Variants in NFATC2IP observed in about 807,000 individuals in gnomAD.
NFATC2IP encodes nuclear factor of activated T cells 2 interacting protein.
NFATC2IP carries 25 observed loss-of-function variants against 40.2 expected under a neutral mutation model. The observed-to-expected ratio is 0.62, with a 90% CI of 0.45 to 0.87. The LOEUF (loss-of-function observed/expected upper bound fraction) is 0.87. NFATC2IP is among the 40% of genes least tolerant of loss of function. NFATC2IP has a pLI of 0.00. For missense variants in NFATC2IP, 553 were observed against 555.6 expected, an observed-to-expected ratio of 1.00 and a Z score of 0.05; for synonymous variants, 241 against 236.3, an observed-to-expected ratio of 1.02 and a Z score of -0.18.
chr16:28,954,715 G>T, intron 3 of NFATC2IP, 33 bp downstream of exon 3: 1 of 1,426,630 alleles, frequency 7.0e-7, no homozygotes. Context: ...GGCCCTGGGA[G>T]CAGGAAGTGA....
At chr16:28,959,124 A>C (rs1965055657) in intron 7 of NFATC2IP, 24 bp downstream of exon 7, 1 of 1,374,522 alleles carries the variant, frequency 7.3e-7, no homozygotes, top group African/African-American at 1.4e-5. Flanking sequence ...ATGGCTCTCC[A>C]CGCCCCTCAC....
intron 2 of NFATC2IP, 27 bp downstream of exon 2, chr16:28,952,231 A>G (rs956363579): frequency 3.1e-6 from 5 of 1,612,858 alleles, no homozygotes; most frequent in Non-Finnish European, 4.2e-6. Flanking sequence ...AGGGAGAGGC[A>G]CGCAGCCGCT....
At position 28,952,742 on chromosome 16, in the gene NFATC2IP, CT is replaced by C. The variant is rs66466268; in HGVS notation, c.460+556del. 9.1e-3 allele frequency: 1,256 copies of C among 138,108 alleles called. 7 individuals carry two copies. The highest frequency in any genetic ancestry group is 0.027 in the South Asian group (117 of 4,398). The allele number at this position is 138,108 out of a possible 1,614,324, so 8.6% of individuals were successfully genotyped here. On this transcript the variant is annotated intron_variant, in intron 2 of 7. Transcript: ENST00000320805. ...GCCTGGGTTTGAATCTCAGTTCTCT[CT>C]TTTTTTTTTTTTTTTTTAGACAGAG...
At chr16:28,954,072 T>C (rs1964993934) in intron 2 of NFATC2IP, among the ~76,000 whole-genome samples, 1 of 152,166 alleles carries the variant, frequency 6.6e-6, no homozygotes, top group South Asian at 2.1e-4. Context: ...TGTAGAAAGT[T>C]TAGCGGCATC....
chr16:28,951,034 G>A lies in NFATC2IP; in HGVS notation c.23G>A (p.Arg8Gln). Residue 8 changes from arginine (R) to glutamine (Q), a missense_variant, in exon 1 of 8, where the codon CGG (arginine) becomes CAG (glutamine). Transcript: ENST00000320805. MAEPVGK[R>Q]GRWSGGSGAG... ...GCCATGGCGGAGCCTGTGGGGAAGC[G>A]GGGCCGCTGGTCCGGAGGTAGCGGT... 1.3e-6 allele frequency: 2 copies of A among 1,526,210 alleles called. No homozygotes were observed. The highest frequency in any genetic ancestry group is 1.3e-5 in the South Asian group (1 of 79,896). 94.5% of individuals were successfully genotyped at this position (1,526,210 alleles called of 1,614,324 possible).
Position 28,955,993 on chromosome 16 carries a change from T to A in NFATC2IP, c.594T>A (p.Ser198=). 1.2e-6 allele frequency: 2 copies of A among 1,613,918 alleles called. No homozygotes were observed. Among genetic ancestry groups the A allele is most frequent in the Non-Finnish European group, 1.7e-6 (2 of 1,179,836 alleles). Residue 198 remains serine (S), a synonymous_variant, in exon 4 of 8, where the codon TCT becomes TCA. Coordinates refer to ENST00000320805, the MANE Select transcript of NFATC2IP (RefSeq NM_032815.4). ...GCTTCTACAGGGATCTGGACAACTC[T>A]CCTCTGTCCCCACCTTCACCAAGGA... ...KKTEFLDLDN[S]PLSPPSPRTK... is the part of the protein sequence containing the mutation.
intron 3 of NFATC2IP, among the ~76,000 whole-genome samples, chr16:28,955,643 G>T (rs146451707): frequency 6.6e-6 from 1 of 152,220 alleles, no homozygotes; most frequent in African/African-American, 2.4e-5. Flanking sequence ...CCATTGCCCA[G>T]GCTGGAGTGC....
At position 28,967,043 on chromosome 16, in the gene NFATC2IP, C is replaced by T. The variant is rs532432550; in HGVS notation, c.*3180C>T. 8.5e-5 allele frequency: 13 copies of T among 152,200 alleles called. No homozygotes were observed. Among genetic ancestry groups the T allele is most frequent in the South Asian group, 6.2e-4 (3 of 4,822 alleles). The allele number at this position is 152,200 out of a possible 1,614,324, so 9.4% of individuals were successfully genotyped here. On this transcript the variant is annotated 3_prime_UTR_variant, in exon 8 of 8. Transcript: ENST00000320805. ...AAATGTCCATTAATAAGTTTGAATA[C>T]GTTAAAATTATATGTTTAACCTCAA...
intron 1 of NFATC2IP, 110 bp downstream of exon 1, chr16:28,951,508 C>T: frequency 1.8e-6 from 2 of 1,088,476 alleles, no homozygotes; most frequent in South Asian, 3.0e-5. Flanking sequence ...GGCTGGCGTT[C>T]TGGGGCTGGT....
At position 28,951,234 on chromosome 16, in the gene NFATC2IP, C is replaced by A; in HGVS notation, c.223C>A (p.Pro75Thr). 6.6e-7 allele frequency: 1 copy of A among 1,510,960 alleles called. No individual in the cohort carries two copies. The highest frequency in any genetic ancestry group is 8.9e-7 in the Non-Finnish European group (1 of 1,124,716). The allele number at this position is 1,510,960 out of a possible 1,614,324, so 93.6% of individuals were successfully genotyped here. ...RGAADEVEVEPPEPPGPVASR... is the reference protein window; with the variant it reads ...RGAADEVEVETPEPPGPVASR... The stretch of plus-strand genomic sequence containing the variant: ...TGCCGCGGACGAGGTTGAGGTGGAG[C>A]CCCCGGAGCCCCCGGGGCCGGTCGC... The change falls in exon 1 of 8, where the codon CCC (proline) becomes ACC (threonine). Residue 75 changes from proline to threonine, a missense_variant. Pro to Thr is a conservative substitution (Grantham distance 38). Transcript: ENST00000320805.
At position 28,959,282 on chromosome 16, in the gene NFATC2IP, C is replaced by T. The variant is rs762657177; in HGVS notation, c.1101+182C>T. Among the ~76,000 whole-genome samples the T allele has an allele frequency of 5.9e-5, 9 of 152,294 alleles. No homozygotes were observed. In the East Asian group the frequency reaches 9.7e-4, roughly 16 times the overall value. On this transcript the variant is annotated intron_variant, in intron 7 of 7. Coordinates refer to ENST00000320805, the MANE Select transcript of NFATC2IP (RefSeq NM_032815.4). Reference sequence around the variant, plus strand: ...AAACCCATCGTTCAACTTCCCTCCCCGCTTCTACTGGTACCCTCTGCCCTA... The same window carrying T: ...AAACCCATCGTTCAACTTCCCTCCCTGCTTCTACTGGTACCCTCTGCCCTA...
chr16:28,960,558 A>AC (rs1965074241), intron 7 of NFATC2IP, among the ~76,000 whole-genome samples: 1 of 152,106 alleles, frequency 6.6e-6, no homozygotes, highest in East Asian at 1.9e-4. Flanking sequence ...CTCTCTGCGG[A>AC]CCCGTGAAAT....
chr16:28,963,604 C>G (rs1965111851), intron 7 of NFATC2IP, 101 bp from the exon 8 acceptor site: 1 of 1,025,136 alleles, frequency 9.8e-7, no homozygotes, highest in African/African-American at 1.6e-5. Context: ...ATTGTTTCCG[C>G]CCCTGCCGCC....
intron 2 of NFATC2IP, among the ~76,000 whole-genome samples, chr16:28,953,917 CAAA>C (rs901619937): frequency 3.7e-5 from 4 of 109,238 alleles, no homozygotes; most frequent in African/African-American, 6.3e-5. Context: ...GACCTGGTCT[CAAA>C]AAAAAAAAAA....
rs1223744322 is a variant in NFATC2IP, at chr16:28,951,212, C to T, written c.201C>T (p.Ala67=). The T allele has an allele frequency of 1.3e-6, 2 of 1,534,922 alleles. No homozygotes were observed. Among genetic ancestry groups the T allele is most frequent in the Non-Finnish European group, 1.8e-6 (2 of 1,138,294 alleles). The change falls in exon 1 of 8, where the codon GCC becomes GCT. Residue 67 remains alanine (A), a synonymous_variant. Transcript: ENST00000320805. Reference sequence around the variant, plus strand: ...TGGAGGTCGCCACCGCTCGCGGTGCCGCGGACGAGGTTGAGGTGGAGCCCC... The same window carrying T: ...TGGAGGTCGCCACCGCTCGCGGTGCTGCGGACGAGGTTGAGGTGGAGCCCC... ...EILEVATARG[A]ADEVEVEPPE...
At chr16:28,956,092 G>T in intron 4 of NFATC2IP, 34 bp downstream of exon 4, 1 of 1,613,600 alleles carries the variant, frequency 6.2e-7, no homozygotes. Context: ...TGGGATGGAA[G>T]AGGGCAATCC....
At chr16:28,959,221 A>G in intron 7 of NFATC2IP, 121 bp downstream of exon 7, 1 of 653,448 alleles carries the variant, frequency 1.5e-6, no homozygotes, top group Non-Finnish European at 2.7e-6. Flanking sequence ...ACTGCCCTCC[A>G]TGTTCTTGGG....
At chr16:28,956,942 C>T (rs1258593749) in intron 5 of NFATC2IP, 1 of 152,232 alleles carries the variant, frequency 6.6e-6, no homozygotes, top group Non-Finnish European at 1.5e-5. Flanking sequence ...AGTCAAGCAA[C>T]TAAGGCAGAG....
At chr16:28,954,748 G>A in intron 3 of NFATC2IP, 66 bp downstream of exon 3, 2 of 946,562 alleles carry the variant, frequency 2.1e-6, no homozygotes, top group Admixed American at 3.9e-5. Context: ...AGCGGAGGCA[G>A]GCAGGACTCT....
Sources: allele counts gnomAD v4.1 joint callset (sites outside exome capture counted in the v4.1 genomes callset), GRCh38; gene constraint gnomAD v4.1.1; transcripts MANE v1.5; gene names NCBI Gene and HGNC (gene_info 2026-07-23, HGNC 2026-07-21).